HS2ST1: variants seen among roughly 807,000 people sequenced by gnomAD.
The protein encoded by HS2ST1 is 2-O-sulfotransferase.
HS2ST1 carries 18 observed loss-of-function variants against 42.9 expected under a neutral mutation model. That is an observed-to-expected ratio of 0.42 (90% CI 0.29 to 0.62). The LOEUF (loss-of-function observed/expected upper bound fraction) is 0.62, where lower values mean the gene tolerates loss of function less well. Among genes scored for constraint, HS2ST1 ranks in the 20% least tolerant of loss-of-function variants. The pLI is 0.21. For missense variants in HS2ST1, 334 were observed against 433.8 expected (o/e 0.77, Z 2.04); for synonymous variants, 146 against 152.9 (o/e 0.95, Z 0.33).
chr1:86,951,057 T>C (rs1647498278), intron 1 of HS2ST1, among the ~76,000 whole-genome samples: 1 of 152,244 alleles, frequency 6.6e-6, no homozygotes, highest in African/African-American at 2.4e-5. Flanking sequence ...ACATAAGTAA[T>C]ACATCTTAGT....
chr1:87,091,441 A>T (rs1049364809), intron 3 of HS2ST1, among the ~76,000 whole-genome samples: 1 of 152,098 alleles, frequency 6.6e-6, no homozygotes, highest in Middle Eastern at 3.4e-3. Context: ...CCAGCAAAGG[A>T]GTTTGGGTTT....
chr1:87,104,145 A>G (rs1652277977), intron 6 of HS2ST1, among the ~76,000 whole-genome samples: 1 of 152,192 alleles, frequency 6.6e-6, no homozygotes, highest in Non-Finnish European at 1.5e-5. Flanking sequence ...TAGGTATTTT[A>G]TCAAAAATAA....
intron 1 of HS2ST1, among the ~76,000 whole-genome samples, chr1:86,928,153 ATTT>A (rs764293995): frequency 2.8e-4 from 43 of 152,114 alleles, no homozygotes; most frequent in Middle Eastern, 3.4e-3. Flanking sequence ...ATTCTGCCCT[ATTT>A]TTGTTCTAAG....
intron 1 of HS2ST1, among the ~76,000 whole-genome samples, chr1:87,028,333 C>T (rs1650140178): frequency 6.6e-6 from 1 of 152,200 alleles, no homozygotes; most frequent in Non-Finnish European, 1.5e-5. Context: ...TGCTGGTCTT[C>T]CAATCGCCCT....
At position 86,915,051 on chromosome 1, in the gene HS2ST1, G is replaced by T. The variant is rs572780001; in HGVS notation, c.15G>T (p.Arg5Ser). Residue 5 changes from arginine (R) to serine (S), a missense_variant, in exon 1 of 7, where the codon AGG becomes AGT. Physicochemically the swap from Arg to Ser is moderately radical, Grantham distance 110. Transcript: ENST00000370550. Reference protein sequence around the residue: MGLLRIMMPPKLQLL... With the variant: MGLLSIMMPPKLQLL... ...CAGCGGGTTTCATGGGGCTCCTCAGGATTATGATGCCGCCCAAGTTGCAGC... is the reference window on the plus strand; with the variant it reads ...CAGCGGGTTTCATGGGGCTCCTCAGTATTATGATGCCGCCCAAGTTGCAGC... 6.2e-7 allele frequency: 1 copy of T among 1,614,208 alleles called. No individual in the cohort carries two copies. Among genetic ancestry groups the T allele is most frequent in the East Asian group, 2.2e-5 (1 of 44,866 alleles).
chr1:86,938,949 G>A (rs1660710372), intron 1 of HS2ST1, among the ~76,000 whole-genome samples: 1 of 152,108 alleles, frequency 6.6e-6, no homozygotes. Flanking sequence ...ACTAGATTTG[G>A]TTTTCTATAT....
chr1:87,053,903 T>TAAAAATG, intron 1 of HS2ST1, among the ~76,000 whole-genome samples: 1 of 151,970 alleles, frequency 6.6e-6, no homozygotes, highest in Middle Eastern at 3.4e-3. Context: ...TGTTTAAAAA[T>TAAAAATG]AAAAATAAAA....
At chr1:87,091,314 T>A (rs943334606) in intron 3 of HS2ST1, among the ~76,000 whole-genome samples, 7 of 151,938 alleles carry the variant, frequency 4.6e-5, no homozygotes, top group Non-Finnish European at 1.0e-4. Flanking sequence ...TGGGAGGAGA[T>A]AAAAGAGGCC....
intron 5 of HS2ST1, chr1:87,098,324 G>A: frequency 1.0e-6 from 1 of 988,212 alleles, no homozygotes; most frequent in Non-Finnish European, 1.2e-6. Flanking sequence ...AAATTCACCT[G>A]GTTTTACTGT....
chr1:86,994,706 G>T (rs1253004112), intron 1 of HS2ST1, among the ~76,000 whole-genome samples: 2 of 152,060 alleles, frequency 1.3e-5, no homozygotes, highest in Non-Finnish European at 2.9e-5. Context: ...AAGTAAAAAT[G>T]TTTTAGGGTC....
chr1:87,097,993 T>C, intron 5 of HS2ST1, 58 bp downstream of exon 5: 1 of 1,608,846 alleles, frequency 6.2e-7, no homozygotes, highest in Non-Finnish European at 8.5e-7. Flanking sequence ...CTGTAATCTG[T>C]GTTTCATTTC....
At chr1:86,918,544 A>G (rs1044215664) in intron 1 of HS2ST1, among the ~76,000 whole-genome samples, 1 of 152,010 alleles carries the variant, frequency 6.6e-6, no homozygotes, top group East Asian at 1.9e-4. Flanking sequence ...ATTATAAACA[A>G]TTATAGGAAA....
intron 1 of HS2ST1, among the ~76,000 whole-genome samples, chr1:86,986,127 A>C (rs1648778877): frequency 6.6e-6 from 1 of 151,024 alleles, no homozygotes; most frequent in African/African-American, 2.4e-5. Context: ...GTATTTGCTA[A>C]GTATTATTTT....
At chr1:86,972,635 A>G (rs1232184258) in intron 1 of HS2ST1, among the ~76,000 whole-genome samples, 3 of 152,236 alleles carry the variant, frequency 2.0e-5, no homozygotes, top group Non-Finnish European at 2.9e-5. Flanking sequence ...TGCAGTTTCA[A>G]GCATCCACTG....
At chr1:87,100,164 T>G (rs1331726862) in intron 5 of HS2ST1, among the ~76,000 whole-genome samples, 1 of 152,194 alleles carries the variant, frequency 6.6e-6, no homozygotes, top group Non-Finnish European at 1.5e-5. Flanking sequence ...TTTGAGTCTT[T>G]GTGTGGGGTG....
chr1:86,982,806 G>C (rs1014770965), intron 1 of HS2ST1, among the ~76,000 whole-genome samples: 3 of 152,048 alleles, frequency 2.0e-5, no homozygotes, highest in African/African-American at 7.2e-5. Flanking sequence ...GAGCCACTGC[G>C]CCTGGCCGCC....
chr1:87,002,609 CAAAA>C (rs61052257), intron 1 of HS2ST1, among the ~76,000 whole-genome samples: 2 of 98,286 alleles, frequency 2.0e-5, no homozygotes. Context: ...GACTTTGTCT[CAAAA>C]AAAAAAAAAA....
intron 2 of HS2ST1, 47 bp from the exon 3 acceptor site, chr1:87,084,147 T>C: frequency 8.1e-7 from 1 of 1,227,956 alleles, no homozygotes. Context: ...ATCATCAAAT[T>C]TCATTTTCTT....
intron 3 of HS2ST1, 32 bp downstream of exon 3, chr1:87,084,311 T>C (rs1557540574): frequency 4.2e-6 from 5 of 1,178,062 alleles, no homozygotes; most frequent in Non-Finnish European, 3.8e-6. Context: ...CGCTAAAGAA[T>C]GCTTTGTACT....
Sources: allele counts gnomAD v4.1 joint callset (sites outside exome capture counted in the v4.1 genomes callset), GRCh38; gene constraint gnomAD v4.1.1; transcripts MANE v1.5; gene names NCBI Gene and HGNC (gene_info 2026-07-23, HGNC 2026-07-21).